ERC2: variants seen among roughly 807,000 people sequenced by gnomAD.
ERC2 encodes ERC protein 2.
ERC2 carries 42 observed loss-of-function variants against 114.8 expected under a neutral mutation model. That is an observed-to-expected ratio of 0.37 (90% confidence interval 0.29 to 0.47). The LOEUF (loss-of-function observed/expected upper bound fraction) is 0.47, where lower values mean the gene tolerates loss of function less well. ERC2 is among the 20% of genes least tolerant of loss of function. ERC2 has a pLI of 0.99. For missense variants in ERC2, 939 were observed against 1,150.7 expected (o/e 0.82, Z 2.66); for synonymous variants, 454 against 425.5 (o/e 1.07, Z -0.82).
At chr3:55,831,004 A>T (rs1213559025) in intron 14 of ERC2, among the ~76,000 whole-genome samples, 2 of 151,796 alleles carry the variant, frequency 1.3e-5, no homozygotes, top group Non-Finnish European at 1.5e-5. Flanking sequence ...ATTAAAATAG[A>T]ATATTAAAAA....
chr3:55,610,879 T>G (rs1314504696), intron 17 of ERC2: 2 of 152,206 alleles, frequency 1.3e-5, no homozygotes, highest in African/African-American at 4.8e-5. Context: ...GGCATCTATA[T>G]GGTGAGTTCC....
intron 6 of ERC2, among the ~76,000 whole-genome samples, chr3:56,111,708 C>G (rs1448210545): frequency 6.6e-6 from 1 of 152,142 alleles, no homozygotes; most frequent in Non-Finnish European, 1.5e-5. Context: ...GCTGGTTTTA[C>G]CTAACTTTAC....
In ERC2 at chr3:55,730,612, C is replaced by T. The variant is rs114865608; in HGVS notation, c.2712+4159G>A. The stretch of plus-strand genomic sequence containing the variant: ...TGGGCTAGGCAGTGTGGCTCACACC[C>T]GTAATCCCAGCACTTTGGGAGGCCG... On this transcript the variant is annotated intron_variant, in intron 15 of 17. Coordinates refer to ENST00000288221, the MANE Select transcript of ERC2 (RefSeq NM_015576.3). Among the ~76,000 whole-genome samples the T allele has an allele frequency of 2.1e-3, 319 of 152,214 alleles. 3 individuals are homozygous for T. Among genetic ancestry groups the T allele is most frequent in the South Asian group, 7.9e-3 (38 of 4,820 alleles).
intron 13 of ERC2, among the ~76,000 whole-genome samples, chr3:55,899,777 G>T (rs531004477): frequency 6.6e-6 from 1 of 152,134 alleles, no homozygotes; most frequent in African/African-American, 2.4e-5. Context: ...TTCATGATGG[G>T]TTTGTTTCTA....
At chr3:56,325,359 T>C (rs983714451) in intron 2 of ERC2, among the ~76,000 whole-genome samples, 4 of 151,880 alleles carry the variant, frequency 2.6e-5, no homozygotes, top group Admixed American at 1.3e-4. Context: ...GACAGGAGAA[T>C]GGCATGAACC....
At chr3:55,627,723 G>A (rs2059577526) in intron 17 of ERC2, among the ~76,000 whole-genome samples, 1 of 152,102 alleles carries the variant, frequency 6.6e-6, no homozygotes, top group African/African-American at 2.4e-5. Context: ...AAAAGAAAGT[G>A]TCTTTCCATG....
intron 17 of ERC2, among the ~76,000 whole-genome samples, chr3:55,549,929 CAAGA>C (rs769119291): frequency 1.9e-4 from 13 of 68,794 alleles, no homozygotes; most frequent in African/African-American, 3.4e-4. Flanking sequence ...CCGACACACA[CAAGA>C]GAGAGAGAGA....
intron 8 of ERC2, among the ~76,000 whole-genome samples, chr3:56,014,034 T>C (rs1161309162): frequency 6.6e-6 from 1 of 152,170 alleles, no homozygotes; most frequent in Non-Finnish European, 1.5e-5. Flanking sequence ...ATTCTGATTT[T>C]GGCACCTTTA....
At chr3:55,522,170 G>A (rs577252017) in intron 17 of ERC2, among the ~76,000 whole-genome samples, 11 of 152,164 alleles carry the variant, frequency 7.2e-5, no homozygotes, top group Admixed American at 5.2e-4. Flanking sequence ...GAGTTTCCCC[G>A]CAACAAAAGG....
intron 2 of ERC2, among the ~76,000 whole-genome samples, chr3:56,411,614 A>G (rs1178128357): frequency 6.6e-6 from 1 of 152,136 alleles, no homozygotes; most frequent in Admixed American, 6.5e-5. Context: ...AGCAGCTAAC[A>G]CTTACATAGC....
At chr3:55,902,658 G>T (rs1457771498) in intron 13 of ERC2, among the ~76,000 whole-genome samples, 3 of 152,140 alleles carry the variant, frequency 2.0e-5, no homozygotes, top group Non-Finnish European at 4.4e-5. Flanking sequence ...GCTAAACCTT[G>T]CCTCTCTTCC....
intron 17 of ERC2, among the ~76,000 whole-genome samples, chr3:55,675,364 G>A (rs1014248918): frequency 3.3e-5 from 5 of 152,196 alleles, no homozygotes; most frequent in Non-Finnish European, 7.3e-5. Context: ...GAGATCATGT[G>A]ACTCTGGAGA....
chr3:55,958,868 G>A lies in ERC2; in HGVS notation c.2268-8308C>T, dbSNP rs574882968. On this transcript the variant is annotated intron_variant, in intron 12 of 17. Transcript: ENST00000288221. ...TGGGGGCTTCCCGGCCCCTGAGAGC[G>A]CAGGGATGCATGGGCCCAGAGCCAC... 1.2e-4 allele frequency among the ~76,000 whole-genome samples: 18 copies of A among 152,292 alleles called. No homozygotes were observed. In the East Asian group the frequency reaches 1.5e-3, roughly 13 times the overall value.
chr3:56,062,776 G>A (rs565900160), intron 7 of ERC2, among the ~76,000 whole-genome samples: 12 of 152,132 alleles, frequency 7.9e-5, no homozygotes, highest in Non-Finnish European at 1.2e-4. Flanking sequence ...TACCATCAAA[G>A]GCTCTGGATT....
At chr3:56,001,307 T>G (rs1454603247) in intron 10 of ERC2, among the ~76,000 whole-genome samples, 1 of 152,072 alleles carries the variant, frequency 6.6e-6, no homozygotes, top group Non-Finnish European at 1.5e-5. Flanking sequence ...TCCATATGGT[T>G]GCAAATTCTC....
chr3:56,105,625 G>A (rs2078612459), intron 6 of ERC2, among the ~76,000 whole-genome samples: 1 of 152,184 alleles, frequency 6.6e-6, no homozygotes, highest in South Asian at 2.1e-4. Flanking sequence ...CCCACTGGAG[G>A]GTTCCTGAGC....
At position 56,402,074 on chromosome 3, in the gene ERC2, C is replaced by T. The variant is rs150900907; in HGVS notation, c.657+32277G>A. Among the ~76,000 whole-genome samples, 3 of 152,230 alleles carry T rather than the reference C, an allele frequency of 2.0e-5. No individual in the cohort carries two copies. The East Asian group carries it at 5.8e-4, about 29-fold the overall frequency. ...ATTCACTAATTCACTACCACAAGAA[C>T]AGTATAGGGGAACCACCCCCATGAT... On this transcript the variant is annotated intron_variant, in intron 2 of 17. Transcript: ENST00000288221.
chr3:55,723,032 A>C (rs917110598), intron 15 of ERC2, among the ~76,000 whole-genome samples: 1 of 152,240 alleles, frequency 6.6e-6, no homozygotes, highest in African/African-American at 2.4e-5. Flanking sequence ...TGTTCATCAC[A>C]GTGTGATTAT....
chr3:56,038,140 C>T (rs2074920394), intron 7 of ERC2, among the ~76,000 whole-genome samples: 1 of 152,130 alleles, frequency 6.6e-6, no homozygotes, highest in Non-Finnish European at 1.5e-5. Flanking sequence ...TCAGAGCAAA[C>T]AGACAACCTA....
Sources: gnomAD v4.1 joint callset for allele counts (sites outside exome capture counted in the v4.1 genomes callset) on GRCh38, gnomAD v4.1.1 for gene constraint, MANE v1.5 for transcripts, NCBI Gene and HGNC (gene_info 2026-07-23, HGNC 2026-07-21) for gene names.